The following FOXN3 variants were observed in gnomAD, a reference collection of about 807,000 sequenced individuals.
FOXN3 encodes forkhead box N3, also known as forkhead box protein N3.
A neutral mutation model predicts 38.4 loss-of-function variants in FOXN3; 7 were observed. The ratio of observed to expected loss-of-function variants is 0.18; its 90% confidence interval spans 0.10 to 0.34. FOXN3 has a LOEUF of 0.34. Among genes scored for constraint, FOXN3 ranks in the 10% least tolerant of loss-of-function variants. The pLI is 1.00. For synonymous variants in FOXN3, 230 were observed against 242.2 expected, an observed-to-expected ratio of 0.95 and a Z score of 0.47; for missense variants, 456 against 613.4, an observed-to-expected ratio of 0.74 and a Z score of 2.71.
chr14:89,440,201 T>C (rs1035725252), intron 1 of FOXN3, among the ~76,000 whole-genome samples: 1 of 152,138 alleles, frequency 6.6e-6, no homozygotes, highest in Non-Finnish European at 1.5e-5. Flanking sequence ...TTGGCCTGCC[T>C]ACCCCTACTA....
intron 1 of FOXN3, among the ~76,000 whole-genome samples, chr14:89,424,713 C>CA (rs60485648): frequency 0.19 from 17,488 of 91,468 alleles, 1,320 homozygotes; most frequent in South Asian, 0.33. Flanking sequence ...TATGACTCTA[C>CA]AAAAAAAAAA....
chr14:89,226,795 T>G (rs1373816577), intron 4 of FOXN3, among the ~76,000 whole-genome samples: 2 of 152,000 alleles, frequency 1.3e-5, no homozygotes, highest in African/African-American at 4.8e-5. Context: ...AAAGGGAGAT[T>G]TGGACGCAGA....
At chr14:89,387,314 A>G (rs1392419440) in intron 2 of FOXN3, among the ~76,000 whole-genome samples, 1 of 152,198 alleles carries the variant, frequency 6.6e-6, no homozygotes, top group Non-Finnish European at 1.5e-5. Flanking sequence ...GACACAATTC[A>G]ATCTATAGCA....
intron 1 of FOXN3, among the ~76,000 whole-genome samples, chr14:89,440,526 T>A (rs575976040): frequency 1.3e-5 from 2 of 152,308 alleles, no homozygotes; most frequent in East Asian, 3.9e-4. Flanking sequence ...TGGCCGGTTC[T>A]TGCCTTAAGT....
intron 4 of FOXN3, among the ~76,000 whole-genome samples, chr14:89,270,244 G>C (rs957801313): frequency 1.3e-5 from 2 of 152,208 alleles, no homozygotes; most frequent in Non-Finnish European, 2.9e-5. Context: ...GAGCTTCAGA[G>C]AGACTGAAAA....
chr14:89,200,252 C>A (rs780692382), intron 4 of FOXN3, among the ~76,000 whole-genome samples: 1 of 152,216 alleles, frequency 6.6e-6, no homozygotes, highest in Admixed American at 6.5e-5. Context: ...AACAGTATCA[C>A]AGTGAACCCT....
intron 4 of FOXN3, among the ~76,000 whole-genome samples, chr14:89,246,485 A>C (rs1262659191): frequency 6.9e-6 from 1 of 144,268 alleles, no homozygotes; most frequent in Non-Finnish European, 1.5e-5. Flanking sequence ...ATCTCATCTG[A>C]GTGCCCGCCC....
At chr14:89,165,747 C>T (rs1400424919) in intron 5 of FOXN3, among the ~76,000 whole-genome samples, 2 of 152,200 alleles carry the variant, frequency 1.3e-5, no homozygotes, top group Non-Finnish European at 2.9e-5. Context: ...AAATGAAAGT[C>T]TCGTTGTATG....
intron 1 of FOXN3, among the ~76,000 whole-genome samples, chr14:89,612,960 A>G (rs1896421768): frequency 1.3e-5 from 2 of 151,804 alleles, no homozygotes; most frequent in South Asian, 4.2e-4. Context: ...TCTACTAAAA[A>G]TACAAAATTA....
upstream of FOXN3, among the ~76,000 whole-genome samples, chr14:89,421,301 C>T (rs982589291): frequency 7.2e-5 from 11 of 151,780 alleles, no homozygotes; most frequent in African/African-American, 2.2e-4. Context: ...AGGCATGCAC[C>T]ACCACACCTG....
chr14:89,543,621 C>T (rs1894832135), intron 1 of FOXN3, among the ~76,000 whole-genome samples: 1 of 152,242 alleles, frequency 6.6e-6, no homozygotes, highest in African/African-American at 2.4e-5. Flanking sequence ...AAGCTTTTGG[C>T]ATGTGGCTGA....
At chr14:89,245,001 G>A (rs1264969109) in intron 4 of FOXN3, among the ~76,000 whole-genome samples, 1 of 152,170 alleles carries the variant, frequency 6.6e-6, no homozygotes. Flanking sequence ...GGGTGTGGTG[G>A]AAGTAACAAA....
chr14:89,332,190 T>G (rs1302820577), intron 3 of FOXN3, among the ~76,000 whole-genome samples: 1 of 152,226 alleles, frequency 6.6e-6, no homozygotes, highest in African/African-American at 2.4e-5. Flanking sequence ...ATTCTCAACA[T>G]GTATTTTCTG....
chr14:89,618,370 C>T (rs1415398764), intron 1 of FOXN3, among the ~76,000 whole-genome samples: 1 of 152,212 alleles, frequency 6.6e-6, no homozygotes, highest in African/African-American at 2.4e-5. Flanking sequence ...CTTCAGCCTT[C>T]CCAGCCGGCA....
chr14:89,389,575 G>A (rs1166587888), intron 2 of FOXN3, among the ~76,000 whole-genome samples: 2 of 152,106 alleles, frequency 1.3e-5, no homozygotes, highest in East Asian at 3.8e-4. Context: ...TAAAACAAGG[G>A]CAAAGCACAT....
chr14:89,271,151 C>T (rs1288066472), intron 4 of FOXN3, among the ~76,000 whole-genome samples: 1 of 152,232 alleles, frequency 6.6e-6, no homozygotes, highest in Non-Finnish European at 1.5e-5. Context: ...AACAGGAACA[C>T]AAACTTGACC....
chr14:89,528,209 T>C (rs2139831340), intron 1 of FOXN3, among the ~76,000 whole-genome samples: 1 of 152,224 alleles, frequency 6.6e-6, no homozygotes. Flanking sequence ...ATACAGAGAC[T>C]GGTACACAAA....
intron 3 of FOXN3, among the ~76,000 whole-genome samples, chr14:89,320,473 G>A (rs76570311): frequency 1.3e-5 from 2 of 152,162 alleles, no homozygotes; most frequent in African/African-American, 4.8e-5. Context: ...CCACACACTG[G>A]TCCCTTGCTA....
chr14:89,412,552 T>C lies in FOXN3; in HGVS notation c.-14-62A>G. 1 of 1,411,318 alleles carries C rather than the reference T, an allele frequency of 7.1e-7. No homozygotes were observed. Among genetic ancestry groups the C allele is most frequent in the Non-Finnish European group, 9.6e-7 (1 of 1,039,686 alleles). The allele number at this position is 1,411,318 out of a possible 1,614,324, so 87.4% of individuals were successfully genotyped here. ...AGGCCCAAAACAGAAAGGCAGACTG[T>C]ACCCCTCTGATCCTGTTGCCTCCCT... On this transcript the variant is annotated intron_variant, in intron 1 of 5. Coordinates refer to ENST00000557258, the MANE Select transcript of FOXN3 (RefSeq NM_005197.4). This position sits in a 1 kb window ranked among gnomAD's most constrained non-coding sequence, Gnocchi z 4.7.
Sources: gnomAD v4.1 joint callset for allele counts (sites outside exome capture counted in the v4.1 genomes callset) on GRCh38, gnomAD v4.1.1 for gene constraint, Gnocchi (gnomAD v3.1) non-coding constraint, MANE v1.5 for transcripts, NCBI Gene and HGNC (gene_info 2026-07-23, HGNC 2026-07-21) for gene names.